EEFSEC: variants seen among roughly 807,000 people sequenced by gnomAD.
EEFSEC encodes the protein eukaryotic elongation factor, selenocysteine-tRNA specific.
In EEFSEC, 43 loss-of-function variants were observed where a neutral mutation model predicts 42.1. The observed-to-expected ratio is 1.02, with a 90% CI of 0.80 to 1.32. EEFSEC has a LOEUF of 1.32. EEFSEC is among the 40% of genes most tolerant of loss of function. The pLI is 0.00. For synonymous variants in EEFSEC, 354 were observed against 339.1 expected (o/e 1.04, Z -0.48); for missense variants, 745 against 803.6 (o/e 0.93, Z 0.88).
At chr3:128,252,061 A>G (rs2066192878) in intron 2 of EEFSEC, among the ~76,000 whole-genome samples, 1 of 152,124 alleles carries the variant, frequency 6.6e-6, no homozygotes, top group African/African-American at 2.4e-5. Context: ...TTTCCACTAA[A>G]TGTTATCATC....
intron 5 of EEFSEC, among the ~76,000 whole-genome samples, chr3:128,345,444 C>T (rs1425030870): frequency 6.6e-6 from 1 of 152,142 alleles, no homozygotes; most frequent in African/African-American, 2.4e-5. Flanking sequence ...GCGCAGGGGC[C>T]AGAGAAGTGC....
At chr3:128,186,261 G>A (rs749386687) in intron 1 of EEFSEC, among the ~76,000 whole-genome samples, 14 of 152,032 alleles carry the variant, frequency 9.2e-5, no homozygotes, top group African/African-American at 2.2e-4. Context: ...CTCTTTGTTC[G>A]TTTAAAAATT....
intron 6 of EEFSEC, among the ~76,000 whole-genome samples, chr3:128,396,197 C>T (rs1372322628): frequency 2.0e-5 from 3 of 152,150 alleles, no homozygotes; most frequent in South Asian, 2.1e-4. Flanking sequence ...TGTCATGGAC[C>T]AGGCCTGGCT....
At chr3:128,380,249 C>T (rs551431567) in intron 6 of EEFSEC, among the ~76,000 whole-genome samples, 2 of 152,326 alleles carry the variant, frequency 1.3e-5, no homozygotes, top group South Asian at 2.1e-4. Context: ...ACACCTGAGG[C>T]TTTTATATCT....
intron 4 of EEFSEC, among the ~76,000 whole-genome samples, chr3:128,336,225 T>C (rs907511945): frequency 6.6e-6 from 1 of 152,104 alleles, no homozygotes; most frequent in Non-Finnish European, 1.5e-5. Context: ...CATCAGCTGT[T>C]CTTTACACAC....
intron 6 of EEFSEC, among the ~76,000 whole-genome samples, chr3:128,382,523 G>C (rs943382667): frequency 1.3e-5 from 2 of 152,212 alleles, no homozygotes; most frequent in African/African-American, 4.8e-5. Flanking sequence ...TGAGAGGCCA[G>C]CTTCCTGACA....
intron 1 of EEFSEC, among the ~76,000 whole-genome samples, chr3:128,188,037 T>C (rs1423854210): frequency 6.6e-6 from 1 of 152,158 alleles, no homozygotes; most frequent in Non-Finnish European, 1.5e-5. Flanking sequence ...ACATTTACAC[T>C]TTGTTCTGGG....
intron 1 of EEFSEC, among the ~76,000 whole-genome samples, chr3:128,238,635 C>T (rs919418849): frequency 3.3e-5 from 5 of 152,192 alleles, no homozygotes; most frequent in Non-Finnish European, 7.4e-5. Context: ...AGCCTCCATG[C>T]ATACCACCAT....
intron 1 of EEFSEC, among the ~76,000 whole-genome samples, chr3:128,201,049 C>T (rs1369485205): frequency 6.6e-6 from 1 of 152,126 alleles, no homozygotes; most frequent in Non-Finnish European, 1.5e-5. Flanking sequence ...CCATGCACCA[C>T]CTTTATTAGT....
chr3:128,420,027 G>A, the EEFSEC span, among the ~76,000 whole-genome samples: 3 of 152,336 alleles, frequency 2.0e-5, no homozygotes, highest in South Asian at 2.1e-4. Flanking sequence ...AAGGCCAGGA[G>A]AGACAGAGAC....
intron 5 of EEFSEC, among the ~76,000 whole-genome samples, chr3:128,349,623 C>T (rs2067358899): frequency 6.6e-6 from 1 of 152,228 alleles, no homozygotes; most frequent in South Asian, 2.1e-4. Context: ...CAAGCCACCA[C>T]CTTCTCATGG....
intron 4 of EEFSEC, among the ~76,000 whole-genome samples, chr3:128,337,338 C>T (rs1376553166): frequency 6.6e-6 from 1 of 152,118 alleles, no homozygotes; most frequent in Non-Finnish European, 1.5e-5. Context: ...TTCATGGTGC[C>T]CTGGTAAGGC....
At chr3:128,404,800 A>C (rs1470987159) in intron 6 of EEFSEC, among the ~76,000 whole-genome samples, 2 of 152,214 alleles carry the variant, frequency 1.3e-5, no homozygotes, top group East Asian at 3.9e-4. Flanking sequence ...CCCCAAGGCC[A>C]TAGTGTCACA....
chr3:128,335,272 G>A (rs1348315161), intron 4 of EEFSEC, among the ~76,000 whole-genome samples: 1 of 152,236 alleles, frequency 6.6e-6, no homozygotes, highest in African/African-American at 2.4e-5. Flanking sequence ...AGTGAACAAA[G>A]GGATGCCAAG....
At chr3:128,336,106 C>T (rs2067187304) in intron 4 of EEFSEC, among the ~76,000 whole-genome samples, 1 of 152,112 alleles carries the variant, frequency 6.6e-6, no homozygotes, top group Non-Finnish European at 1.5e-5. Flanking sequence ...TCAGAGACAG[C>T]TCCTACTTGC....
In EEFSEC at chr3:128,334,335, G is replaced by C. The variant is rs571945312; in HGVS notation, c.787-6898G>C. 1.1e-4 allele frequency among the ~76,000 whole-genome samples: 16 copies of C among 152,356 alleles called. 1 individual carries two copies. The highest frequency in any genetic ancestry group is 4.1e-4 in the South Asian group (2 of 4,832). On this transcript the variant is annotated intron_variant, in intron 4 of 6. Transcript: ENST00000254730. ...GGAGCCATCTTTTTGGGCTCAGGCT[G>C]TGTGGGCTCTACATGTTCAATCACT...
chr3:128,290,410 A>G (rs1275493719), intron 4 of EEFSEC, among the ~76,000 whole-genome samples: 4 of 152,054 alleles, frequency 2.6e-5, no homozygotes, highest in African/African-American at 9.7e-5. Context: ...GTGTGGGTCT[A>G]CTTCTGTGCC....
intron 6 of EEFSEC, among the ~76,000 whole-genome samples, chr3:128,379,167 C>T (rs949099434): frequency 6.6e-6 from 1 of 152,242 alleles, no homozygotes; most frequent in Non-Finnish European, 1.5e-5. Context: ...CCAACCCCCA[C>T]CCAGTGCAGG....
At chr3:128,308,405 C>T (rs992218420) in intron 4 of EEFSEC, among the ~76,000 whole-genome samples, 1 of 152,288 alleles carries the variant, frequency 6.6e-6, no homozygotes, top group East Asian at 1.9e-4. Context: ...CTACTGTGTG[C>T]CACGTGCTGA....
Sources: gnomAD v4.1 joint callset for allele counts (sites outside exome capture counted in the v4.1 genomes callset) on GRCh38, gnomAD v4.1.1 for gene constraint, MANE v1.5 for transcripts, NCBI Gene and HGNC (gene_info 2026-07-23, HGNC 2026-07-21) for gene names.